Variants in ARHGAP32 observed in about 807,000 individuals in gnomAD.
ARHGAP32 encodes the protein rho GTPase-activating protein 32.
A neutral mutation model predicts 186.5 loss-of-function variants in ARHGAP32; 51 were observed. The ratio of observed to expected loss-of-function variants is 0.27; its 90% CI spans 0.22 to 0.35. The LOEUF is 0.35. Among genes scored for constraint, ARHGAP32 ranks in the 10% least tolerant of loss-of-function variants. The pLI is 1.00. For missense variants in ARHGAP32, 2,186 were observed against 2,623.5 expected, an observed-to-expected ratio of 0.83 and a Z score of 3.64; for synonymous variants, 950 against 964.3, an observed-to-expected ratio of 0.99 and a Z score of 0.27.
At chr11:129,101,302 G>T (rs946243359) in intron 5 of ARHGAP32, among the ~76,000 whole-genome samples, 1 of 152,200 alleles carries the variant, frequency 6.6e-6, no homozygotes, top group Non-Finnish European at 1.5e-5. Flanking sequence ...CAAAAAGCCA[G>T]AGTGCCTTCT....
intron 5 of ARHGAP32, among the ~76,000 whole-genome samples, chr11:129,107,991 G>C (rs1177243199): frequency 6.7e-6 from 1 of 150,348 alleles, no homozygotes; most frequent in East Asian, 1.9e-4. Flanking sequence ...TAACCATAAA[G>C]AGAACAGCCA....
intron 1 of ARHGAP32, 113 bp downstream of exon 1, chr11:129,191,970 C>A (rs1944279215): frequency 2.5e-6 from 2 of 785,316 alleles, no homozygotes; most frequent in Admixed American, 4.4e-5. Context: ...CAAACCTTCC[C>A]CCAGAAAACA....
intron 6 of ARHGAP32, among the ~76,000 whole-genome samples, chr11:129,080,817 C>T (rs1941197498): frequency 6.6e-6 from 1 of 151,678 alleles, no homozygotes; most frequent in African/African-American, 2.4e-5. Context: ...AAAGAAAAAG[C>T]TGGTTCTTTG....
At chr11:129,278,774 G>A (rs1048360099) in intron 1 of ARHGAP32, among the ~76,000 whole-genome samples, 10 of 151,698 alleles carry the variant, frequency 6.6e-5, no homozygotes, top group Non-Finnish European at 4.4e-5. Context: ...CGGCTCCTCC[G>A]GGAGCGCCGG....
intron 2 of ARHGAP32, among the ~76,000 whole-genome samples, chr11:129,127,783 A>T (rs1942697350): frequency 6.6e-6 from 1 of 152,014 alleles, no homozygotes; most frequent in Admixed American, 6.5e-5. Flanking sequence ...AAGTTTTCCT[A>T]TTTTCATGTT....
chr11:129,036,275 G>T (rs995106619), intron 11 of ARHGAP32, among the ~76,000 whole-genome samples: 2 of 151,368 alleles, frequency 1.3e-5, no homozygotes, highest in Non-Finnish European at 2.9e-5. Context: ...AGCTACTCGG[G>T]AGGCTAAGGC....
chr11:128,968,227 A>G lies in ARHGAP32; in HGVS notation c.*680T>C, dbSNP rs567896335. On this transcript the variant is annotated 3_prime_UTR_variant, in exon 23 of 23. Coordinates refer to ENST00000682385, the MANE Select transcript of ARHGAP32 (RefSeq NM_001378024.1). ...GAACCGTGAGGAACAAGGATGAAAA[A>G]TAAGAATAGAAAGAGTATGGTTCAG... The G allele has an allele frequency of 6.6e-6, 1 of 152,306 alleles. No homozygotes were observed. The highest frequency in any genetic ancestry group is 2.1e-4 in the South Asian group (1 of 4,828). 9.4% of individuals were successfully genotyped at this position (152,306 alleles called of 1,614,324 possible). A position where few individuals can be genotyped will look rare whatever the true frequency, so the allele number is the denominator to read the frequency against.
intron 1 of ARHGAP32, among the ~76,000 whole-genome samples, chr11:129,260,902 A>G (rs1015780468): frequency 1.3e-5 from 2 of 152,210 alleles, no homozygotes; most frequent in African/African-American, 4.8e-5. Flanking sequence ...CAACTGAATC[A>G]TGATGCTGAA....
chr11:129,230,581 A>G (rs1944844926), intron 1 of ARHGAP32, among the ~76,000 whole-genome samples: 1 of 40 alleles, frequency 0.025, no homozygotes, highest in Non-Finnish European at 0.045. Context: ...CAAGTTTAGT[A>G]TAGGCATTGT....
chr11:129,187,959 G>A (rs973972498), intron 1 of ARHGAP32, among the ~76,000 whole-genome samples: 2 of 151,752 alleles, frequency 1.3e-5, no homozygotes, highest in Non-Finnish European at 2.9e-5. Context: ...TGTTTGTTGA[G>A]GTTTGTTTGT....
At chr11:129,071,202 ATTAG>A (rs1020544855) in intron 6 of ARHGAP32, among the ~76,000 whole-genome samples, 8 of 152,170 alleles carry the variant, frequency 5.3e-5, no homozygotes, top group African/African-American at 7.2e-5. Flanking sequence ...TCAAAGAGAA[ATTAG>A]TTAGTCTTGA....
intron 10 of ARHGAP32, among the ~76,000 whole-genome samples, chr11:129,042,685 TG>T (rs1341755711): frequency 3.9e-5 from 6 of 152,200 alleles, no homozygotes; most frequent in Non-Finnish European, 7.3e-5. Flanking sequence ...ATTAAACAAA[TG>T]TATACAAAAA....
intron 1 of ARHGAP32, among the ~76,000 whole-genome samples, chr11:129,178,950 A>C (rs1393203146): frequency 1.3e-5 from 2 of 152,128 alleles, no homozygotes; most frequent in Non-Finnish European, 2.9e-5. Context: ...AATGGGATCT[A>C]ATTAAACTAA....
At chr11:129,172,438 G>T (rs1029654435) in intron 1 of ARHGAP32, among the ~76,000 whole-genome samples, 1 of 152,122 alleles carries the variant, frequency 6.6e-6, no homozygotes, top group Non-Finnish European at 1.5e-5. Flanking sequence ...ATGTGGTTTT[G>T]TCTTTGGTTC....
chr11:129,169,498 G>A (rs186876181), intron 1 of ARHGAP32, among the ~76,000 whole-genome samples: 25 of 152,078 alleles, frequency 1.6e-4, no homozygotes, highest in Non-Finnish European at 3.2e-4. Flanking sequence ...GGGCGTGGTG[G>A]CGGGCGCCTA....
intron 19 of ARHGAP32, among the ~76,000 whole-genome samples, chr11:128,978,214 C>A (rs1048587027): frequency 7.2e-5 from 11 of 152,248 alleles, no homozygotes; most frequent in Non-Finnish European, 1.2e-4. Flanking sequence ...ATACTTCTAA[C>A]ATTATCTAAG....
intron 1 of ARHGAP32, among the ~76,000 whole-genome samples, chr11:129,250,498 A>G (rs192034780): frequency 2.3e-3 from 354 of 152,286 alleles, no homozygotes; most frequent in African/African-American, 8.3e-3. Context: ...TATCTACAAC[A>G]CAACTTTTAA....
intron 6 of ARHGAP32, among the ~76,000 whole-genome samples, chr11:129,086,617 C>T (rs545501574): frequency 1.5e-3 from 226 of 152,088 alleles, no homozygotes; most frequent in South Asian, 2.5e-3. Flanking sequence ...GTCAGGAGAT[C>T]GAGACCATCC....
At position 129,222,893 on chromosome 11, in the gene ARHGAP32, A is replaced by G. The variant is rs1215915931; in HGVS notation, c.-5+56253T>C. Reference sequence around the variant, plus strand: ...GCTGTATTCTGGGGGTAGAAAAAGGATATTGCAGTATCCCCTTGACTAGCA... The same window carrying G: ...GCTGTATTCTGGGGGTAGAAAAAGGGTATTGCAGTATCCCCTTGACTAGCA... On this transcript the variant is annotated intron_variant, in intron 1 of 6. Transcript: ENST00000525234. Among the ~76,000 whole-genome samples, 4 of 152,182 alleles carry G rather than the reference A, an allele frequency of 2.6e-5. No individual in the cohort carries two copies. The East Asian group carries it at 7.7e-4, about 29-fold the overall frequency.
Sources: gnomAD v4.1 joint callset for allele counts (sites outside exome capture counted in the v4.1 genomes callset) on GRCh38, gnomAD v4.1.1 for gene constraint, MANE v1.5 for transcripts, NCBI Gene and HGNC (gene_info 2026-07-23, HGNC 2026-07-21) for gene names.